Variants in SOX6 observed in about 807,000 individuals in gnomAD.
The protein encoded by SOX6 is SRY-box transcription factor 6.
A neutral mutation model predicts 97.8 loss-of-function variants in SOX6; 11 were observed. The ratio of observed to expected loss-of-function variants is 0.11; its 90% CI spans 0.07 to 0.19. SOX6 has a LOEUF of 0.19. Ranked by LOEUF, SOX6 falls within the 10% of genes least tolerant of loss-of-function variation. The pLI, the probability that SOX6 is intolerant of heterozygous loss-of-function variation, is 1.00. For synonymous variants in SOX6, 360 were observed against 371.4 expected, an observed-to-expected ratio of 0.97 and a Z score of 0.35; for missense variants, 810 against 1,039.5, an observed-to-expected ratio of 0.78 and a Z score of 3.04.
At chr11:16,552,336 TG>T (rs1240636357) in intron 4 of SOX6, among the ~76,000 whole-genome samples, 1 of 152,148 alleles carries the variant, frequency 6.6e-6, no homozygotes, top group African/African-American at 2.4e-5. Context: ...AACTTAAATG[TG>T]GGAAGCAAAT....
chr11:16,104,137 A>G (rs902481284), intron 7 of SOX6, among the ~76,000 whole-genome samples: 2 of 151,922 alleles, frequency 1.3e-5, no homozygotes, highest in Non-Finnish European at 2.9e-5. Context: ...AGCTGAACAT[A>G]TTTTCTTCCT....
At chr11:16,238,204 C>T (rs1025656733) in intron 3 of SOX6, among the ~76,000 whole-genome samples, 2 of 151,910 alleles carry the variant, frequency 1.3e-5, no homozygotes, top group Non-Finnish European at 2.9e-5. Context: ...ATAATTTAAG[C>T]AAGGATGTAA....
intron 12 of SOX6, 152 bp downstream of exon 12, chr11:16,046,362 C>T: frequency 1.2e-6 from 1 of 807,660 alleles, no homozygotes; most frequent in Non-Finnish European, 2.1e-6. Flanking sequence ...CTTACAGATG[C>T]TACATGACAG....
intron 4 of SOX6, among the ~76,000 whole-genome samples, chr11:16,569,462 A>C (rs1412111876): frequency 3.9e-5 from 6 of 152,236 alleles, no homozygotes; most frequent in Admixed American, 3.9e-4. Flanking sequence ...GTTAGCACAC[A>C]GTACGTATAC....
At chr11:16,494,222 C>T (rs1860557807) in intron 4 of SOX6, among the ~76,000 whole-genome samples, 1 of 151,778 alleles carries the variant, frequency 6.6e-6, no homozygotes, top group South Asian at 2.1e-4. Context: ...ACTAAAAATA[C>T]AAAATTAGCC....
Position 15,986,188 on chromosome 11 carries a change from A to T in SOX6, c.2183+16T>A. ...GCAAAAGTAAAGCCCAGGTGGCTAAATTCAGGAATACTTACCCCACAGTAA... is the reference window on the plus strand; with the variant it reads ...GCAAAAGTAAAGCCCAGGTGGCTAATTTCAGGAATACTTACCCCACAGTAA... On this transcript the variant is annotated intron_variant, in intron 15 of 15. Coordinates refer to ENST00000683767, the MANE Select transcript of SOX6 (RefSeq NM_001367873.1). 1 of 1,613,390 alleles carries T rather than the reference A, an allele frequency of 6.2e-7. No homozygotes were observed. Among genetic ancestry groups the T allele is most frequent in the Admixed American group, 1.7e-5 (1 of 60,012 alleles).
intron 3 of SOX6, among the ~76,000 whole-genome samples, chr11:16,658,323 C>T (rs372434663): frequency 1.1e-4 from 16 of 152,188 alleles, no homozygotes; most frequent in Admixed American, 5.9e-4. Context: ...ATATCTTTTG[C>T]GTATTTTTCA....
At position 16,610,631 on chromosome 11, in the gene SOX6, G is replaced by C. The variant is rs1848385088; in HGVS notation, n.609+1450C>G. 6.6e-6 allele frequency among the ~76,000 whole-genome samples: 1 copy of C among 152,178 alleles called. No homozygotes were observed. The highest frequency in any genetic ancestry group is 6.5e-5 in the Admixed American group (1 of 15,280). ...AAGTATATTGATAAGGCGGAACCCG[G>C]AGCAAGTAACAATATTCATCCCTAA... On this transcript the variant is annotated intron_variant and non_coding_transcript_variant, in intron 4 of 5. Coordinates refer to the SOX6 transcript ENST00000524520. This position sits in a 1 kb window ranked among gnomAD's most constrained non-coding sequence, Gnocchi z 4.4.
chr11:16,507,245 G>A (rs1678156595), intron 4 of SOX6, among the ~76,000 whole-genome samples: 1 of 151,948 alleles, frequency 6.6e-6, no homozygotes, highest in South Asian at 2.1e-4. Context: ...GCAAACCTGT[G>A]ACCTGATTAA....
intron 6 of SOX6, among the ~76,000 whole-genome samples, chr11:16,147,350 T>G (rs1344261777): frequency 6.6e-6 from 1 of 151,750 alleles, no homozygotes; most frequent in Non-Finnish European, 1.5e-5. Context: ...TGGGGCCTGT[T>G]GTGGGGTGGG....
chr11:16,611,523 C>T (rs886394250), intron 4 of SOX6, among the ~76,000 whole-genome samples: 5 of 152,200 alleles, frequency 3.3e-5, no homozygotes, highest in Admixed American at 6.5e-5. Context: ...TAAGTCAGTA[C>T]GGAGAAGTTT....
chr11:16,056,004 T>C, intron 9 of SOX6, 103 bp from the exon 10 acceptor site: 2 of 1,303,368 alleles, frequency 1.5e-6, no homozygotes, highest in Admixed American at 4.3e-5. Context: ...GACAGCCTTG[T>C]AATTTCTTTT....
At chr11:16,550,541 T>A (rs1450276472) in intron 4 of SOX6, among the ~76,000 whole-genome samples, 2 of 152,106 alleles carry the variant, frequency 1.3e-5, no homozygotes, top group Non-Finnish European at 2.9e-5. Flanking sequence ...TATATACACG[T>A]ATAAAATGTC....
At chr11:16,665,055 C>A (rs1425693160) in intron 3 of SOX6, among the ~76,000 whole-genome samples, 1 of 151,884 alleles carries the variant, frequency 6.6e-6, no homozygotes, top group Non-Finnish European at 1.5e-5. Flanking sequence ...GGTAACCAGA[C>A]AGTATTTGCC....
In SOX6 at chr11:16,001,899, G is replaced by A. The variant is rs188646005; in HGVS notation, c.1733-12669C>T. On this transcript the variant is annotated intron_variant, in intron 13 of 15. Coordinates refer to ENST00000683767, the MANE Select transcript of SOX6 (RefSeq NM_001367873.1). ...TAAAAGATCAACAAGAGGAACCAAA[G>A]GGAATTCCCTAAGGTCAGCTCTGAG... Among the ~76,000 whole-genome samples, 26 of 152,258 alleles carry A rather than the reference G, an allele frequency of 1.7e-4. No homozygotes were observed. In the East Asian group the frequency reaches 4.6e-3, roughly 27 times the overall value.
chr11:16,219,733 C>T (rs1029481974), intron 4 of SOX6, among the ~76,000 whole-genome samples: 1 of 151,956 alleles, frequency 6.6e-6, no homozygotes, highest in African/African-American at 2.4e-5. Context: ...AGACAAATGA[C>T]CTAAATACTA....
chr11:16,574,696 T>C (rs1320026128), intron 4 of SOX6, among the ~76,000 whole-genome samples: 1 of 152,118 alleles, frequency 6.6e-6, no homozygotes, highest in African/African-American at 2.4e-5. Context: ...CTGCAATACA[T>C]GTAAACAACA....
chr11:16,509,211 T>C (rs942553180), intron 4 of SOX6, among the ~76,000 whole-genome samples: 1 of 151,798 alleles, frequency 6.6e-6, no homozygotes, highest in Non-Finnish European at 1.5e-5. Flanking sequence ...ATACCATATA[T>C]ATTCAATTAA....
intron 3 of SOX6, among the ~76,000 whole-genome samples, chr11:16,684,900 C>T (rs1304887712): frequency 1.3e-5 from 2 of 152,052 alleles, no homozygotes; most frequent in Non-Finnish European, 2.9e-5. Flanking sequence ...CTGGGGAGGC[C>T]CCACGAGCTT....
Sources: allele counts gnomAD v4.1 joint callset (sites outside exome capture counted in the v4.1 genomes callset), GRCh38; gene constraint gnomAD v4.1.1; non-coding constraint Gnocchi (gnomAD v3.1); transcripts MANE v1.5; gene names NCBI Gene and HGNC (gene_info 2026-07-23, HGNC 2026-07-21).